The following KCNH8 variants were observed in gnomAD, a reference collection of about 807,000 sequenced individuals.
The protein encoded by KCNH8 is voltage-gated delayed rectifier potassium channel KCNH8.
Under a neutral mutation model 103.6 loss-of-function variants are expected in KCNH8, and 70 were observed. The observed-to-expected ratio is 0.68, with a 90% CI of 0.56 to 0.82. The LOEUF (loss-of-function observed/expected upper bound fraction) is 0.82, where lower values mean the gene tolerates loss of function less well. Ranked by LOEUF, KCNH8 falls within the 40% of genes least tolerant of loss-of-function variation. The probability of loss-of-function intolerance (pLI) is 0.00; values close to 1 mark genes in which losing one functional copy is unlikely to be tolerated. For missense variants in KCNH8, 1,217 were observed against 1,329.9 expected (o/e 0.92, Z 1.32); for synonymous variants, 498 against 489.4 (o/e 1.02, Z -0.23).
At chr3:19,522,166 TA>T (rs1474888085) in intron 15 of KCNH8, among the ~76,000 whole-genome samples, 1 of 151,298 alleles carries the variant, frequency 6.6e-6, no homozygotes, top group Non-Finnish European at 1.5e-5. Context: ...GTAACATGCC[TA>T]AACAAAAAAA....
chr3:19,229,938 T>C (rs2063974419), intron 1 of KCNH8, among the ~76,000 whole-genome samples: 1 of 152,138 alleles, frequency 6.6e-6, no homozygotes, highest in African/African-American at 2.4e-5. Flanking sequence ...ATGCTGCTGA[T>C]AAAGACATAC....
At chr3:19,525,289 G>A (rs368793113) in intron 15 of KCNH8, among the ~76,000 whole-genome samples, 1 of 151,834 alleles carries the variant, frequency 6.6e-6, no homozygotes, top group African/African-American at 2.4e-5. Flanking sequence ...TAGCAGCACT[G>A]GCATCAACTT....
chr3:19,476,164 G>T (rs903248029), intron 11 of KCNH8, among the ~76,000 whole-genome samples: 12 of 152,058 alleles, frequency 7.9e-5, no homozygotes, highest in Non-Finnish European at 1.6e-4. Flanking sequence ...CCCTCTATTA[G>T]CCCTCTTCTT....
intron 1 of KCNH8, among the ~76,000 whole-genome samples, chr3:19,204,365 T>C (rs1355080922): frequency 6.6e-6 from 1 of 152,036 alleles, no homozygotes; most frequent in African/African-American, 2.4e-5. Context: ...GCTAATTGAT[T>C]TGAAGTTGAA....
At chr3:19,320,081 G>A (rs980524666) in intron 3 of KCNH8, among the ~76,000 whole-genome samples, 1 of 151,874 alleles carries the variant, frequency 6.6e-6, no homozygotes, top group Non-Finnish European at 1.5e-5. Flanking sequence ...GGTTTTCTAT[G>A]TATACGTTCA....
At chr3:19,525,751 C>A (rs969834686) in intron 15 of KCNH8, among the ~76,000 whole-genome samples, 3 of 152,036 alleles carry the variant, frequency 2.0e-5, no homozygotes, top group African/African-American at 7.2e-5. Flanking sequence ...AAAAGTAAAA[C>A]CCTGGTTAGT....
At chr3:19,410,485 T>G (rs1162800246) in intron 7 of KCNH8, among the ~76,000 whole-genome samples, 1 of 152,002 alleles carries the variant, frequency 6.6e-6, no homozygotes. Flanking sequence ...CTAGAGGAAC[T>G]AGAGAAACAA....
chr3:19,233,121 C>A lies in KCNH8; in HGVS notation c.77-20533C>A, dbSNP rs569507262. On this transcript the variant is annotated intron_variant, in intron 1 of 15. Transcript: ENST00000328405. The stretch of plus-strand genomic sequence containing the variant: ...TATCTTAAATGGCAGCCATCTCTGT[C>A]TGGAGCTGTTAATTCTTGATACTGT... Among the ~76,000 whole-genome samples the A allele has an allele frequency of 2.5e-4, 34 of 134,972 alleles. 1 individual carries two copies. The East Asian group carries it at 7.7e-3, about 30-fold the overall frequency. 88.5% of individuals were successfully genotyped at this position (134,972 alleles called of 152,430 possible).
chr3:19,281,925 T>C (rs2064761985), intron 3 of KCNH8, among the ~76,000 whole-genome samples: 1 of 152,122 alleles, frequency 6.6e-6, no homozygotes. Context: ...CTGGTTATAA[T>C]TTATTAAGAA....
At chr3:19,447,950 T>C (rs1023152974) in intron 8 of KCNH8, among the ~76,000 whole-genome samples, 2 of 152,006 alleles carry the variant, frequency 1.3e-5, no homozygotes, top group Admixed American at 6.6e-5. Flanking sequence ...TTATTGAGTA[T>C]ATTTTGAATT....
At chr3:19,368,947 A>G (rs2066049654) in intron 5 of KCNH8, among the ~76,000 whole-genome samples, 1 of 152,064 alleles carries the variant, frequency 6.6e-6, no homozygotes, top group Admixed American at 6.6e-5. Context: ...AAAACTCTGA[A>G]AAGACTCCCT....
intron 1 of KCNH8, among the ~76,000 whole-genome samples, chr3:19,169,542 A>G (rs979531244): frequency 2.6e-5 from 4 of 152,124 alleles, no homozygotes; most frequent in Non-Finnish European, 4.4e-5. Context: ...CACCGCGCCC[A>G]GCCTAGCCTA....
At chr3:19,494,809 A>G (rs896864506) in intron 11 of KCNH8, among the ~76,000 whole-genome samples, 2 of 152,146 alleles carry the variant, frequency 1.3e-5, no homozygotes, top group Non-Finnish European at 2.9e-5. Flanking sequence ...ACTAATTTAT[A>G]CTCTTACCAA....
intron 11 of KCNH8, among the ~76,000 whole-genome samples, chr3:19,501,819 A>G (rs2068589912): frequency 6.6e-6 from 1 of 152,122 alleles, no homozygotes; most frequent in African/African-American, 2.4e-5. Flanking sequence ...AGCCAATATC[A>G]TACTGAATGG....
chr3:19,250,195 G>T (rs1182804699), intron 1 of KCNH8, among the ~76,000 whole-genome samples: 1 of 152,032 alleles, frequency 6.6e-6, no homozygotes, highest in African/African-American at 2.4e-5. Context: ...AGCCCAAGAA[G>T]TTGAGGCTGC....
At chr3:19,227,726 A>G (rs1303218035) in intron 1 of KCNH8, among the ~76,000 whole-genome samples, 1 of 152,196 alleles carries the variant, frequency 6.6e-6, no homozygotes, top group East Asian at 1.9e-4. Context: ...GTTATGCACC[A>G]TGTGGTCGCA....
intron 3 of KCNH8, among the ~76,000 whole-genome samples, chr3:19,301,863 A>T (rs913360171): frequency 6.6e-6 from 1 of 152,202 alleles, no homozygotes; most frequent in African/African-American, 2.4e-5. Flanking sequence ...TCAGGGGCAC[A>T]CTTTATTTAC....
intron 5 of KCNH8, among the ~76,000 whole-genome samples, chr3:19,357,353 G>A (rs773638295): frequency 5.3e-5 from 8 of 151,834 alleles, no homozygotes; most frequent in Admixed American, 1.3e-4. Context: ...CAAAGAAAAT[G>A]TGGATGGCCA....
At chr3:19,388,232 A>G (rs1168717017) in intron 5 of KCNH8, among the ~76,000 whole-genome samples, 1 of 152,174 alleles carries the variant, frequency 6.6e-6, no homozygotes, top group African/African-American at 2.4e-5. Flanking sequence ...TAATGAGCTT[A>G]GTAAACAACT....
Sources: allele counts gnomAD v4.1 joint callset (sites outside exome capture counted in the v4.1 genomes callset), GRCh38; gene constraint gnomAD v4.1.1; transcripts MANE v1.5; gene names NCBI Gene and HGNC (gene_info 2026-07-23, HGNC 2026-07-21).